The following AGBL4 variants were observed in gnomAD, a reference collection of about 807,000 sequenced individuals.
AGBL4 encodes the protein AGBL carboxypeptidase 4.
In AGBL4, 58 loss-of-function variants were observed where a neutral mutation model predicts 66.4. The ratio of observed to expected loss-of-function variants is 0.87; its 90% CI spans 0.71 to 1.09. The LOEUF (loss-of-function observed/expected upper bound fraction) is 1.09, where lower values mean the gene tolerates loss of function less well. AGBL4 is among the 50% of genes least tolerant of loss of function. AGBL4 has a pLI of 0.00. For synonymous variants in AGBL4, 234 were observed against 222.9 expected (o/e 1.05, Z -0.44); for missense variants, 579 against 631.0 (o/e 0.92, Z 0.88).
chr1:49,334,995 C>T (rs1645405386), intron 3 of AGBL4, among the ~76,000 whole-genome samples: 1 of 152,160 alleles, frequency 6.6e-6, no homozygotes, highest in South Asian at 2.1e-4. Context: ...ATTTGGTAAG[C>T]CATTTAATCT....
rs546227558 is a variant in AGBL4 at position 48,655,903 on chromosome 1, G to T, written c.725-2452C>A. On this transcript the variant is annotated intron_variant, in intron 7 of 13. Coordinates refer to ENST00000371839, the MANE Select transcript of AGBL4 (RefSeq NM_032785.4). ...GAGAAAGAATTAAATAATTCTCAAG[G>T]ATACTTCCTACACTGACATTGTATG... 2.0e-5 allele frequency among the ~76,000 whole-genome samples: 3 copies of T among 152,292 alleles called. 1 individual carries two copies. The South Asian group carries it at 6.2e-4, about 32-fold the overall frequency.
intron 5 of AGBL4, among the ~76,000 whole-genome samples, chr1:48,935,958 GAAAAAAAAAAAAAAAAA>G (rs71056686): frequency 2.7e-3 from 66 of 24,594 alleles, no homozygotes; most frequent in Middle Eastern, 0.028. Flanking sequence ...GACTCTGTCT[GAAAAAAAAAAAAAAAAA>G]AAAAAAAAAA....
chr1:48,759,348 A>G (rs1415642498), intron 6 of AGBL4: 2 of 1,513,976 alleles, frequency 1.3e-6, no homozygotes, highest in Non-Finnish European at 1.8e-6. Context: ...ACTGCAGATC[A>G]ATATTTCCCC....
chr1:49,723,989 C>T (rs190209917), intron 2 of AGBL4, among the ~76,000 whole-genome samples: 39 of 152,184 alleles, frequency 2.6e-4, no homozygotes, highest in Non-Finnish European at 1.2e-4. Flanking sequence ...CCAGAGAAGT[C>T]CAATAGTTTA....
At chr1:48,715,267 G>A (rs948017339) in intron 6 of AGBL4, among the ~76,000 whole-genome samples, 1 of 152,150 alleles carries the variant, frequency 6.6e-6, no homozygotes, top group African/African-American at 2.4e-5. Context: ...CAGCACAGCA[G>A]TTGCCTCCCC....
intron 3 of AGBL4, among the ~76,000 whole-genome samples, chr1:49,480,210 A>G (rs1004618720): frequency 1.3e-5 from 2 of 152,100 alleles, no homozygotes; most frequent in African/African-American, 4.8e-5. Context: ...AGGAATCACC[A>G]CATTGTCTTC....
intron 1 of AGBL4, among the ~76,000 whole-genome samples, chr1:49,976,858 A>G (rs1232912579): frequency 6.6e-6 from 1 of 152,156 alleles, no homozygotes; most frequent in African/African-American, 2.4e-5. Context: ...TTCTAAAACC[A>G]TCTCCTCCAT....
At chr1:48,624,663 G>A (rs1645469779) in intron 9 of AGBL4, among the ~76,000 whole-genome samples, 1 of 152,184 alleles carries the variant, frequency 6.6e-6, no homozygotes, top group South Asian at 2.1e-4. Context: ...AGGGCAGCAG[G>A]GAGGTGAAGG....
chr1:48,857,143 T>A (rs1212600201), intron 6 of AGBL4, among the ~76,000 whole-genome samples: 1 of 152,158 alleles, frequency 6.6e-6, no homozygotes, highest in Non-Finnish European at 1.5e-5. Flanking sequence ...GAGATTTATG[T>A]GGAAAATATA....
chr1:49,564,641 T>C (rs1206082219), intron 3 of AGBL4, among the ~76,000 whole-genome samples: 2 of 152,190 alleles, frequency 1.3e-5, no homozygotes, highest in Admixed American at 6.5e-5. Flanking sequence ...TAATCCTGAG[T>C]TCTAGTTTGA....
At chr1:48,601,356 C>T (rs1212169766) in intron 9 of AGBL4, among the ~76,000 whole-genome samples, 1 of 152,210 alleles carries the variant, frequency 6.6e-6, no homozygotes. Context: ...ACAGCTTATA[C>T]ACTGTCAATA....
chr1:49,068,771 G>A (rs1167193170), intron 4 of AGBL4, among the ~76,000 whole-genome samples: 33 of 152,138 alleles, frequency 2.2e-4, no homozygotes, highest in Admixed American at 2.2e-3. Context: ...GGGTCAAATG[G>A]CATTTCTAGT....
intron 6 of AGBL4, among the ~76,000 whole-genome samples, chr1:48,762,107 A>G (rs1403121098): frequency 1.3e-5 from 2 of 152,210 alleles, no homozygotes. Flanking sequence ...CTCATGTTAC[A>G]TGAGGAAATT....
At chr1:49,326,887 T>C (rs1350804331) in intron 3 of AGBL4, among the ~76,000 whole-genome samples, 2 of 152,288 alleles carry the variant, frequency 1.3e-5, no homozygotes, top group Admixed American at 6.5e-5. Context: ...GGTAAGAAGT[T>C]CTAAAATCAA....
chr1:49,362,828 T>C (rs1172768342), intron 3 of AGBL4, among the ~76,000 whole-genome samples: 1 of 152,206 alleles, frequency 6.6e-6, no homozygotes, highest in Non-Finnish European at 1.5e-5. Flanking sequence ...GGGCTCACCT[T>C]TGGAATCTTA....
chr1:48,654,306 G>A (rs1198899812), intron 7 of AGBL4, among the ~76,000 whole-genome samples: 2 of 152,142 alleles, frequency 1.3e-5, no homozygotes, highest in Non-Finnish European at 2.9e-5. Flanking sequence ...TCTTCTGGAA[G>A]TGTGAATCTG....
chr1:49,511,892 G>A (rs1482898165), intron 3 of AGBL4, among the ~76,000 whole-genome samples: 3 of 151,970 alleles, frequency 2.0e-5, no homozygotes, highest in Non-Finnish European at 4.4e-5. Flanking sequence ...TACTGTTAAT[G>A]TAACTTCAGA....
chr1:49,563,591 G>C (rs1326049691), intron 3 of AGBL4, among the ~76,000 whole-genome samples: 5 of 152,114 alleles, frequency 3.3e-5, no homozygotes, highest in Non-Finnish European at 7.4e-5. Flanking sequence ...CTTTGGTTCT[G>C]TTTATATGCT....
intron 3 of AGBL4, among the ~76,000 whole-genome samples, chr1:49,636,809 T>C (rs1450443915): frequency 6.6e-6 from 1 of 152,146 alleles, no homozygotes; most frequent in East Asian, 1.9e-4. Context: ...ATCCAATGAG[T>C]AAATCAAACA....
Sources: gnomAD v4.1 joint callset for allele counts (sites outside exome capture counted in the v4.1 genomes callset) on GRCh38, gnomAD v4.1.1 for gene constraint, MANE v1.5 for transcripts, NCBI Gene and HGNC (gene_info 2026-07-23, HGNC 2026-07-21) for gene names.